The following NEGR1 variants were observed in gnomAD, a reference collection of about 807,000 sequenced individuals.
NEGR1 encodes neuronal growth regulator 1.
In NEGR1, 10 loss-of-function variants were observed where a neutral mutation model predicts 40.9. The observed-to-expected ratio is 0.24, with a 90% CI of 0.15 to 0.42. NEGR1 has a LOEUF of 0.42. NEGR1 is among the 10% of genes least tolerant of loss of function. The probability of loss-of-function intolerance (pLI) is 1.00; values close to 1 mark genes in which losing one functional copy is unlikely to be tolerated. For synonymous variants in NEGR1, 185 were observed against 166.8 expected (o/e 1.11, Z -0.84); for missense variants, 352 against 438.9 (o/e 0.80, Z 1.77).
chr1:71,797,859 G>T (rs1263657564), intron 2 of NEGR1, among the ~76,000 whole-genome samples: 1 of 151,660 alleles, frequency 6.6e-6, no homozygotes, highest in East Asian at 1.9e-4. Context: ...TTTTCTATTT[G>T]TGCAGATCAT....
rs771126770 is a variant in NEGR1 at position 71,403,181 on chromosome 1, A to G, written c.*4265T>C. The G allele has an allele frequency of 6.6e-6, 1 of 151,968 alleles. No homozygotes were observed. Among genetic ancestry groups the G allele is most frequent in the African/African-American group, 2.4e-5 (1 of 41,406 alleles). The allele number at this position is 151,968 out of a possible 1,614,324, so 9.4% of individuals were successfully genotyped here. A position where few individuals can be genotyped will look rare whatever the true frequency, so the allele number is the denominator to read the frequency against. On this transcript the variant is annotated 3_prime_UTR_variant, in exon 7 of 7. Transcript: ENST00000357731. ...GCTTAAAAAATTCATTTGGCTTGAG[A>G]TCTCATTTGTATATTATGGTTTGGT...
chr1:72,000,427 A>G (rs957866631), intron 1 of NEGR1, among the ~76,000 whole-genome samples: 2 of 151,728 alleles, frequency 1.3e-5, no homozygotes, highest in Non-Finnish European at 2.9e-5. Flanking sequence ...GCAAAATATA[A>G]AAAAAAATGT....
chr1:71,823,123 G>A lies in NEGR1; in HGVS notation c.410-46826C>T, dbSNP rs554699039. On this transcript the variant is annotated intron_variant, in intron 2 of 6. Transcript: ENST00000357731. ...GGAAGCTGCCCTTGATCTCTACAAT[G>A]CATACTTCGGAATCAGGCTCAAATA... Among the ~76,000 whole-genome samples, 15 of 151,798 alleles carry A rather than the reference G, an allele frequency of 9.9e-5. No homozygotes were observed. In the South Asian group the frequency reaches 3.1e-3, roughly 32 times the overall value.
intron 1 of NEGR1, among the ~76,000 whole-genome samples, chr1:72,172,481 T>C (rs1014742133): frequency 1.3e-5 from 2 of 152,144 alleles, no homozygotes; most frequent in East Asian, 1.9e-4. Flanking sequence ...AAAGGGCCCA[T>C]CATTAAATGC....
At chr1:71,756,988 A>G (rs1655767574) in intron 3 of NEGR1, among the ~76,000 whole-genome samples, 1 of 152,152 alleles carries the variant, frequency 6.6e-6, no homozygotes, top group African/African-American at 2.4e-5. Flanking sequence ...TTATGCAATA[A>G]TATTCTCTAT....
chr1:71,919,988 T>C (rs1645688908), intron 2 of NEGR1, among the ~76,000 whole-genome samples: 1 of 152,126 alleles, frequency 6.6e-6, no homozygotes, highest in Non-Finnish European at 1.5e-5. Flanking sequence ...GGTTCTCTGC[T>C]TAAGCTCTCT....
At chr1:71,411,204 C>A (rs1308622731) in intron 6 of NEGR1, among the ~76,000 whole-genome samples, 4 of 152,128 alleles carry the variant, frequency 2.6e-5, no homozygotes, top group African/African-American at 9.7e-5. Flanking sequence ...CAGAGAGTAT[C>A]ATCTTTTCCT....
At chr1:71,604,569 A>G (rs1287688917) in intron 5 of NEGR1, among the ~76,000 whole-genome samples, 1 of 152,166 alleles carries the variant, frequency 6.6e-6, no homozygotes, top group Non-Finnish European at 1.5e-5. Context: ...ATGATTTCTC[A>G]AGTTCATGTT....
In NEGR1 at chr1:71,949,363, T is replaced by C. The variant is rs1319983709; in HGVS notation, c.177-14052A>G. 2.6e-5 allele frequency among the ~76,000 whole-genome samples: 4 copies of C among 152,148 alleles called. No homozygotes were observed. The East Asian group carries it at 7.7e-4, about 29-fold the overall frequency. ...CTAGCATATTAGGCATCATTCTTTA[T>C]TGCCCTGCACTGTTCAGTCACTCAT... On this transcript the variant is annotated intron_variant, in intron 1 of 6. Coordinates refer to ENST00000357731, the MANE Select transcript of NEGR1 (RefSeq NM_173808.3).
chr1:71,612,816 C>T (rs1189580865), intron 4 of NEGR1, among the ~76,000 whole-genome samples: 1 of 152,136 alleles, frequency 6.6e-6, no homozygotes, highest in Non-Finnish European at 1.5e-5. Flanking sequence ...GACACTGAGG[C>T]TGAAGCTAGC....
chr1:71,968,911 T>G (rs745737848), intron 1 of NEGR1, among the ~76,000 whole-genome samples: 3 of 152,194 alleles, frequency 2.0e-5, no homozygotes, highest in Non-Finnish European at 4.4e-5. Flanking sequence ...CACTCTACTA[T>G]AGGGGAATGT....
At chr1:72,000,593 C>G (rs534778862) in intron 1 of NEGR1, among the ~76,000 whole-genome samples, 9 of 152,032 alleles carry the variant, frequency 5.9e-5, no homozygotes, top group Non-Finnish European at 1.3e-4. Flanking sequence ...TTTGTTATAT[C>G]AGAGGAAATG....
At chr1:71,492,559 C>G (rs986045173) in intron 6 of NEGR1, among the ~76,000 whole-genome samples, 6 of 152,112 alleles carry the variant, frequency 3.9e-5, no homozygotes, top group African/African-American at 1.4e-4. Context: ...TACCTCCCTT[C>G]TCTAAACAGT....
At chr1:71,596,077 C>T (rs1489360974) in intron 5 of NEGR1, among the ~76,000 whole-genome samples, 2 of 146,428 alleles carry the variant, frequency 1.4e-5, no homozygotes, top group South Asian at 2.1e-4. Context: ...GAAACAAATT[C>T]TGTAGAGCTC....
intron 1 of NEGR1, among the ~76,000 whole-genome samples, chr1:72,153,636 T>C (rs927842698): frequency 2.0e-5 from 3 of 151,872 alleles, no homozygotes; most frequent in Non-Finnish European, 4.4e-5. Context: ...TGTCTCTCTA[T>C]ATTAGTGTAT....
intron 1 of NEGR1, among the ~76,000 whole-genome samples, chr1:72,185,938 T>C (rs996451354): frequency 6.6e-6 from 1 of 151,858 alleles, no homozygotes; most frequent in African/African-American, 2.4e-5. Context: ...TGCTCTATTT[T>C]GGCATTGCAT....
chr1:71,429,865 T>C (rs1410386422), intron 6 of NEGR1, among the ~76,000 whole-genome samples: 1 of 152,172 alleles, frequency 6.6e-6, no homozygotes. Context: ...ACTTTATGGA[T>C]TACCCATACT....
At chr1:71,448,174 T>C (rs1251844983) in intron 6 of NEGR1, among the ~76,000 whole-genome samples, 2 of 150,268 alleles carry the variant, frequency 1.3e-5, no homozygotes, top group Non-Finnish European at 3.0e-5. Flanking sequence ...AAGGAAAGGA[T>C]AGAAATGAGG....
At chr1:72,210,627 G>A (rs992361271) in intron 1 of NEGR1, among the ~76,000 whole-genome samples, 7 of 151,764 alleles carry the variant, frequency 4.6e-5, no homozygotes, top group Admixed American at 6.6e-5. Context: ...TGATTCTGCC[G>A]CTGTGAACTT....
Sources: allele counts gnomAD v4.1 joint callset (sites outside exome capture counted in the v4.1 genomes callset), GRCh38; gene constraint gnomAD v4.1.1; transcripts MANE v1.5; gene names NCBI Gene and HGNC (gene_info 2026-07-23, HGNC 2026-07-21).